The following SGCZ variants were observed in gnomAD, a reference collection of about 807,000 sequenced individuals.
SGCZ encodes the protein zeta-sarcoglycan.
SGCZ carries 40 observed loss-of-function variants against 41.3 expected under a neutral mutation model. That is an observed-to-expected ratio of 0.97 (90% CI 0.75 to 1.26). The LOEUF is 1.26. SGCZ is among the 50% of genes most tolerant of loss of function. The probability of loss-of-function intolerance (pLI) is 0.00; values close to 1 mark genes in which losing one functional copy is unlikely to be tolerated. For missense variants in SGCZ, 552 were observed against 369.8 expected, an observed-to-expected ratio of 1.49 and a Z score of -4.04; for synonymous variants, 206 against 137.5, an observed-to-expected ratio of 1.50 and a Z score of -3.49.
At chr8:14,135,415 G>T (rs935895257) in intron 5 of SGCZ, among the ~76,000 whole-genome samples, 1 of 152,152 alleles carries the variant, frequency 6.6e-6, no homozygotes, top group Non-Finnish European at 1.5e-5. Flanking sequence ...GGAAAATACT[G>T]GAGAGTTATG....
rs554379632 is a variant in SGCZ, at chr8:14,667,455, A to G, written c.40-112529T>C. On this transcript the variant is annotated intron_variant, in intron 1 of 7. Coordinates refer to ENST00000382080, the MANE Select transcript of SGCZ (RefSeq NM_139167.4). ...CGAACCCTGGACTCATGTTGTCATA[A>G]AAGCTTGTCGTACCACACCAAATTA... is the stretch of plus-strand genomic sequence containing the variant. Among the ~76,000 whole-genome samples, 3 of 152,292 alleles carry G rather than the reference A, an allele frequency of 2.0e-5. No individual in the cohort carries two copies. The East Asian group carries it at 5.8e-4, about 29-fold the overall frequency.
chr8:14,655,173 T>C (rs1807524902), intron 1 of SGCZ, among the ~76,000 whole-genome samples: 1 of 152,132 alleles, frequency 6.6e-6, no homozygotes, highest in Admixed American at 6.5e-5. Flanking sequence ...AACTACATGA[T>C]TTACATGGGT....
chr8:14,502,237 AG>A (rs1802176430), intron 2 of SGCZ, among the ~76,000 whole-genome samples: 1 of 152,144 alleles, frequency 6.6e-6, no homozygotes, highest in East Asian at 1.9e-4. Context: ...AATACAAAAA[AG>A]GATTTTTATT....
chr8:14,816,194 G>T (rs2130553070), intron 1 of SGCZ, among the ~76,000 whole-genome samples: 1 of 152,318 alleles, frequency 6.6e-6, no homozygotes, highest in Non-Finnish European at 1.5e-5. Context: ...TCTCAATGCA[G>T]TCTCGACATA....
chr8:14,696,123 T>G (rs948660693), intron 1 of SGCZ, among the ~76,000 whole-genome samples: 3 of 152,048 alleles, frequency 2.0e-5, no homozygotes, highest in Non-Finnish European at 4.4e-5. Flanking sequence ...TTGTAGAAAA[T>G]TGCATTTTTC....
At chr8:14,931,635 T>C (rs1009408378) in intron 1 of SGCZ, among the ~76,000 whole-genome samples, 5 of 152,044 alleles carry the variant, frequency 3.3e-5, no homozygotes, top group African/African-American at 9.7e-5. Flanking sequence ...TTTTCAGATA[T>C]TATACTGAAA....
intron 1 of SGCZ, among the ~76,000 whole-genome samples, chr8:14,809,097 G>A (rs1171892974): frequency 1.4e-5 from 2 of 147,214 alleles, no homozygotes; most frequent in Middle Eastern, 3.5e-3. Context: ...GGTGGAGGGG[G>A]GAGGGATAGC....
chr8:14,091,471 T>A (rs538193889), intron 7 of SGCZ, among the ~76,000 whole-genome samples: 40 of 152,172 alleles, frequency 2.6e-4, no homozygotes, highest in African/African-American at 9.4e-4. Flanking sequence ...TTTCTCCACA[T>A]CCTCCCCAGC....
At chr8:14,747,689 T>TTATTATTATTA (rs1554492356) in intron 1 of SGCZ, among the ~76,000 whole-genome samples, 3 of 135,488 alleles carry the variant, frequency 2.2e-5, no homozygotes, top group African/African-American at 7.8e-5. Flanking sequence ...ATTATTATTA[T>TTATTATTATTA]TATGTGTGTG....
chr8:14,493,215 TG>T (rs1316638701), intron 2 of SGCZ, among the ~76,000 whole-genome samples: 1 of 152,032 alleles, frequency 6.6e-6, no homozygotes, highest in African/African-American at 2.4e-5. Context: ...ATCTGTTCTT[TG>T]TATTTCTCCC....
At chr8:15,037,282 G>A (rs1478466567) in intron 1 of SGCZ, among the ~76,000 whole-genome samples, 1 of 152,096 alleles carries the variant, frequency 6.6e-6, no homozygotes, top group Non-Finnish European at 1.5e-5. Context: ...AAAATCTAAT[G>A]ATTTTATAGG....
chr8:14,681,208 A>T (rs1234219249), intron 1 of SGCZ, among the ~76,000 whole-genome samples: 1 of 152,144 alleles, frequency 6.6e-6, no homozygotes, highest in Non-Finnish European at 1.5e-5. Context: ...ATCCATGATT[A>T]TGAGTCTTGC....
chr8:14,390,543 G>A (rs544402329), intron 2 of SGCZ, among the ~76,000 whole-genome samples: 1 of 151,634 alleles, frequency 6.6e-6, no homozygotes, highest in Non-Finnish European at 1.5e-5. Context: ...TCAAATAAAA[G>A]AAACACTGAA....
At chr8:14,916,042 C>T (rs1024375204) in intron 1 of SGCZ, among the ~76,000 whole-genome samples, 1 of 152,070 alleles carries the variant, frequency 6.6e-6, no homozygotes, top group African/African-American at 2.4e-5. Context: ...AACTGAAACA[C>T]GAATATGTTA....
chr8:14,171,044 G>C (rs901976366), intron 4 of SGCZ, among the ~76,000 whole-genome samples: 6 of 151,586 alleles, frequency 4.0e-5, no homozygotes, highest in African/African-American at 1.5e-4. Flanking sequence ...TTTATGGAAG[G>C]TATGTGGGTA....
At chr8:14,449,011 T>C (rs191973744) in intron 2 of SGCZ, among the ~76,000 whole-genome samples, 2 of 152,304 alleles carry the variant, frequency 1.3e-5, no homozygotes, top group Non-Finnish European at 2.9e-5. Context: ...ACAAGTTACA[T>C]TCCAGACAAA....
In SGCZ at chr8:14,725,937, G is replaced by A. The variant is rs190180945; in HGVS notation, c.40-171011C>T. Reference sequence around the variant, plus strand: ...AAAATATATAGAAATATAAAAATTTGCTTTTTTTTCACTTATTAAAGTAAA... The same window carrying A: ...AAAATATATAGAAATATAAAAATTTACTTTTTTTTCACTTATTAAAGTAAA... On this transcript the variant is annotated intron_variant, in intron 1 of 7. Transcript: ENST00000382080. 8.5e-4 allele frequency among the ~76,000 whole-genome samples: 129 copies of A among 152,116 alleles called. 2 individuals are homozygous for A. In the Middle Eastern group the frequency reaches 0.027, roughly 32 times the overall value.
intron 6 of SGCZ, among the ~76,000 whole-genome samples, chr8:14,104,599 A>G (rs1312811065): frequency 6.6e-6 from 1 of 152,104 alleles, no homozygotes; most frequent in South Asian, 2.1e-4. Flanking sequence ...GAAAGAAAGC[A>G]AATACCCTAC....
At chr8:15,189,029 T>C (rs1281344966) in intron 1 of SGCZ, among the ~76,000 whole-genome samples, 2 of 152,322 alleles carry the variant, frequency 1.3e-5, no homozygotes, top group South Asian at 2.1e-4. Flanking sequence ...GAAGAAACCA[T>C]AAAACTATTA....
Sources: gnomAD v4.1 joint callset for allele counts (sites outside exome capture counted in the v4.1 genomes callset) on GRCh38, gnomAD v4.1.1 for gene constraint, MANE v1.5 for transcripts, NCBI Gene and HGNC (gene_info 2026-07-23, HGNC 2026-07-21) for gene names.